Variants in RIN2 observed in about 807,000 individuals in gnomAD.
RIN2 encodes RAB5 interacting protein 2.
In RIN2, 36 loss-of-function variants were observed where a neutral mutation model predicts 78.0. That is an observed-to-expected ratio of 0.46 (90% CI 0.35 to 0.61). RIN2 has a LOEUF of 0.61. Among genes scored for constraint, RIN2 ranks in the 20% least tolerant of loss-of-function variants. The pLI, the probability that RIN2 is intolerant of heterozygous loss-of-function variation, is 0.00. For synonymous variants in RIN2, 466 were observed against 466.8 expected (o/e 1.00, Z 0.02); for missense variants, 1,087 against 1,159.7 (o/e 0.94, Z 0.91).
chr20:19,837,122 G>A (rs2036439797), intron 2 of RIN2, among the ~76,000 whole-genome samples: 1 of 150,674 alleles, frequency 6.6e-6, no homozygotes, highest in Non-Finnish European at 1.5e-5. Flanking sequence ...TGGAAACTAA[G>A]CCTCAGAGAG....
chr20:19,791,470 C>G (rs1289206559), intron 1 of RIN2, among the ~76,000 whole-genome samples: 1 of 152,052 alleles, frequency 6.6e-6, no homozygotes, highest in East Asian at 1.9e-4. Context: ...CCTGATCCAC[C>G]AAAGAGGAGA....
At chr20:19,873,757 A>G (rs1207988830) in intron 2 of RIN2, among the ~76,000 whole-genome samples, 2 of 152,220 alleles carry the variant, frequency 1.3e-5, no homozygotes, top group South Asian at 2.1e-4. Context: ...TCTGTGGGCA[A>G]CATTCATCTG....
intron 3 of RIN2, among the ~76,000 whole-genome samples, chr20:19,891,799 A>G (rs1185902003): frequency 6.6e-6 from 1 of 152,210 alleles, no homozygotes; most frequent in African/African-American, 2.4e-5. Context: ...ACTGCACTCC[A>G]GCCTGGGCAA....
In RIN2 at chr20:19,990,077, A is replaced by C. The variant is rs1568714631; in HGVS notation, c.1834A>C (p.Lys612Gln). ...CAAGGGGCACGTGGAGGCCATGCTG[A>C]AGGACTTTCACATGGCCGATGGCTC... ...PLKGHVEAML[K>Q]DFHMADGSWK... is the part of the protein sequence containing the mutation. The change falls in exon 10 of 13, where the codon AAG (lysine) becomes CAG (glutamine). Residue 612 changes from lysine to glutamine, a missense_variant. By Grantham distance (53) the Lys-to-Gln change is moderately conservative. Around this residue, in one of 8 missense-constraint regions of RIN2, gnomAD observed 97 missense variants for 104.8 expected, o/e 0.93. Coordinates refer to ENST00000255006, the MANE Select transcript of RIN2 (RefSeq NM_018993.4). 11 of 1,599,270 alleles carry C rather than the reference A, an allele frequency of 6.9e-6. No homozygotes were observed. The highest frequency in any genetic ancestry group is 9.4e-6 in the Non-Finnish European group (11 of 1,172,784).
At chr20:19,875,157 A>G (rs1350291297) in intron 2 of RIN2, among the ~76,000 whole-genome samples, 2 of 150,068 alleles carry the variant, frequency 1.3e-5, no homozygotes, top group East Asian at 4.0e-4. Context: ...CACCGCACCC[A>G]GCAGATAATT....
intron 9 of RIN2, among the ~76,000 whole-genome samples, chr20:19,982,389 C>A (rs554150911): frequency 1.3e-5 from 2 of 152,100 alleles, no homozygotes; most frequent in African/African-American, 4.8e-5. Context: ...TGTTTTTTTG[C>A]GTAGTTTGTA....
At chr20:19,910,498 TTTC>T (rs1047373843) in intron 3 of RIN2, among the ~76,000 whole-genome samples, 18 of 151,628 alleles carry the variant, frequency 1.2e-4, no homozygotes, top group Admixed American at 3.9e-4. Context: ...TTCTTTTTCT[TTTC>T]TTCTTCTTTT....
chr20:19,862,248 C>G (rs1007908145), intron 2 of RIN2, among the ~76,000 whole-genome samples: 1 of 152,166 alleles, frequency 6.6e-6, no homozygotes, highest in Non-Finnish European at 1.5e-5. Flanking sequence ...ATCCACTGTC[C>G]CTCCACTCTT....
intron 1 of RIN2, among the ~76,000 whole-genome samples, chr20:19,772,900 ACT>A (rs1168036077): frequency 2.0e-5 from 3 of 152,328 alleles, no homozygotes; most frequent in African/African-American, 2.4e-5. Flanking sequence ...TGTAGCAATG[ACT>A]CTGTAATAAC....
At chr20:19,844,760 G>C in intron 2 of RIN2, among the ~76,000 whole-genome samples, 1 of 143,128 alleles carries the variant, frequency 7.0e-6, no homozygotes, top group African/African-American at 2.6e-5. Context: ...TATACTTTAA[G>C]TTCTGGGATA....
At chr20:19,757,990 G>T (rs2033441428), upstream of RIN2, 2 of 152,378 alleles carry the variant, frequency 1.3e-5, no homozygotes, top group Admixed American at 1.3e-4. Flanking sequence ...CGGTTACAGG[G>T]AATGGAGGGA....
chr20:19,858,134 AT>A (rs1252316803), intron 2 of RIN2, among the ~76,000 whole-genome samples: 1 of 151,704 alleles, frequency 6.6e-6, no homozygotes, highest in East Asian at 1.9e-4. Context: ...TTAAAAAAAA[AT>A]ATTAAGATGG....
Position 19,851,022 on chromosome 20 carries a change from GA to G in RIN2, c.-36-38542del, listed in dbSNP as rs1391420559. ...GGAAGGAAGGAAGGAAGGAAGGAAGGAAGGAAGGAAGGAAGGAAGGAAGGAA... is the reference window on the plus strand; with the variant it reads ...GGAAGGAAGGAAGGAAGGAAGGAAGGAGGAAGGAAGGAAGGAAGGAAGGAA... On this transcript the variant is annotated intron_variant, in intron 2 of 12. Transcript: ENST00000255006. Among the ~76,000 whole-genome samples the G allele has an allele frequency of 1.2e-3, 148 of 119,736 alleles. 1 individual carries two copies. Among genetic ancestry groups the G allele is most frequent in the African/African-American group, 5.3e-3 (135 of 25,540 alleles). The allele number at this position is 119,736 out of a possible 152,430, so 78.6% of individuals were successfully genotyped here.
At chr20:19,917,533 C>T (rs981190808) in intron 3 of RIN2, among the ~76,000 whole-genome samples, 9 of 152,184 alleles carry the variant, frequency 5.9e-5, no homozygotes, top group East Asian at 1.9e-4. Flanking sequence ...TCACTCCACT[C>T]GGGAATGAAG....
At chr20:19,991,219 C>T (rs893139275) in intron 10 of RIN2, among the ~76,000 whole-genome samples, 25 of 152,030 alleles carry the variant, frequency 1.6e-4, no homozygotes, top group African/African-American at 5.8e-4. Context: ...AGCTCCTGGG[C>T]GTGGTAATGA....
At chr20:19,836,030 G>T (rs572446922) in intron 2 of RIN2, among the ~76,000 whole-genome samples, 99 of 152,166 alleles carry the variant, frequency 6.5e-4, no homozygotes, top group Non-Finnish European at 1.3e-3. Flanking sequence ...GGTATTCCGG[G>T]CTACCAGATA....
chr20:19,782,307 G>A lies in RIN2; in HGVS notation c.-162-17315G>A, dbSNP rs141498984. 7.3e-3 allele frequency among the ~76,000 whole-genome samples: 1,118 copies of A among 152,312 alleles called. 12 individuals carry two copies. The highest frequency in any genetic ancestry group is 0.025 in the African/African-American group (1,019 of 41,568). ...TAGCCAGCCGTGGTGGCTCACGCCT[G>A]TAATCCCGGCACTTTGGGAGGCTGA... On this transcript the variant is annotated intron_variant, in intron 1 of 12. Coordinates refer to ENST00000255006, the MANE Select transcript of RIN2 (RefSeq NM_018993.4).
chr20:19,772,468 A>G (rs1223359689), intron 1 of RIN2, among the ~76,000 whole-genome samples: 1 of 152,070 alleles, frequency 6.6e-6, no homozygotes, highest in Non-Finnish European at 1.5e-5. Context: ...CTGACATTAA[A>G]CCAAGGATGG....
At chr20:19,920,979 GT>G (rs879622100) in intron 3 of RIN2, among the ~76,000 whole-genome samples, 5,100 of 123,042 alleles carry the variant, frequency 0.041, 146 homozygotes, top group Middle Eastern at 0.075. Context: ...AGCCGAAACA[GT>G]TTTTTGGGTT....
Sources: allele counts gnomAD v4.1 joint callset (sites outside exome capture counted in the v4.1 genomes callset), GRCh38; gene constraint gnomAD v4.1.1; regional missense constraint gnomAD v4.1.1; transcripts MANE v1.5; gene names NCBI Gene and HGNC (gene_info 2026-07-23, HGNC 2026-07-21).